PEMT: variants seen among roughly 807,000 people sequenced by gnomAD.
PEMT encodes phosphatidylethanolamine N-methyltransferase.
PEMT carries 23 observed loss-of-function variants against 27.4 expected under a neutral mutation model. The ratio of observed to expected loss-of-function variants is 0.84; its 90% CI spans 0.60 to 1.19. The LOEUF (loss-of-function observed/expected upper bound fraction) is 1.19, where lower values mean the gene tolerates loss of function less well. Among genes scored for constraint, PEMT ranks in the 50% most tolerant of loss-of-function variants. The pLI, the probability that PEMT is intolerant of heterozygous loss-of-function variation, is 0.00. For synonymous variants in PEMT, 137 were observed against 139.1 expected (o/e 0.98, Z 0.11); for missense variants, 307 against 310.1 (o/e 0.99, Z 0.07).
chr17:17,505,906 G>A (rs910615281), intron 6 of PEMT, 58 bp from the exon 7 acceptor site: 12 of 1,546,514 alleles, frequency 7.8e-6, no homozygotes, highest in African/African-American at 1.4e-5. Context: ...CCCACTGCCC[G>A]CACCAGAGCT....
At chr17:17,534,094 G>A (rs1202196227) in intron 2 of PEMT, among the ~76,000 whole-genome samples, 1 of 152,082 alleles carries the variant, frequency 6.6e-6, no homozygotes, top group Non-Finnish European at 1.5e-5. Flanking sequence ...TCCACTCCTA[G>A]TATTTACTTA....
At chr17:17,577,411 T>TA (rs1911673268) in intron 1 of PEMT, 3 of 959,506 alleles carry the variant, frequency 3.1e-6, no homozygotes, top group Middle Eastern at 4.9e-4. Flanking sequence ...ATGCTCAACC[T>TA]ACCAGGAATC....
rs944328203 is a variant in PEMT at position 17,523,986 on chromosome 17, G to A, written c.205-1591C>T. Among the ~76,000 whole-genome samples, 67 of 152,224 alleles carry A rather than the reference G, an allele frequency of 4.4e-4. No homozygotes were observed. Among genetic ancestry groups the A allele is most frequent in the African/African-American group, 1.5e-3 (62 of 41,520 alleles). ...CGTTGCTATGGATTCACCTATTCTG[G>A]ACGTTTCATATAAACTGAATCACAC... On this transcript the variant is annotated intron_variant, in intron 2 of 6. Coordinates refer to ENST00000255389, the MANE Select transcript of PEMT (RefSeq NM_148172.3). The surrounding 1 kb of genome is among the most constrained non-coding windows in gnomAD (Gnocchi z 4.8).
At chr17:17,544,832 T>C (rs528476024) in intron 2 of PEMT, among the ~76,000 whole-genome samples, 7 of 152,104 alleles carry the variant, frequency 4.6e-5, no homozygotes, top group Admixed American at 1.3e-4. Context: ...ATGTGTGAAA[T>C]TGGGGGCAGA....
chr17:17,507,576 G>A (rs1018944409), intron 5 of PEMT: 12 of 252,486 alleles, frequency 4.8e-5, no homozygotes, highest in Non-Finnish European at 6.9e-5. Flanking sequence ...TGTGGGCGCC[G>A]AGGGGGACAG....
chr17:17,522,858 G>A (rs747392123), intron 2 of PEMT, among the ~76,000 whole-genome samples: 1 of 152,018 alleles, frequency 6.6e-6, no homozygotes, highest in Non-Finnish European at 1.5e-5. Flanking sequence ...CCAAATTTCC[G>A]CTGGGGGCCT....
At chr17:17,528,701 G>A (rs1435962387) in intron 2 of PEMT, among the ~76,000 whole-genome samples, 1 of 152,198 alleles carries the variant, frequency 6.6e-6, no homozygotes, top group Non-Finnish European at 1.5e-5. Context: ...ACCTATGAGA[G>A]GTCAGGGACC....
At chr17:17,518,099 G>C (rs1430086656) in intron 3 of PEMT, 1 of 985,270 alleles carries the variant, frequency 1.0e-6, no homozygotes, top group East Asian at 1.1e-4. Flanking sequence ...CCCAGAGGGA[G>C]CCCTGGGAGA....
chr17:17,573,755 C>T (rs1217453206), intron 2 of PEMT, among the ~76,000 whole-genome samples: 1 of 152,148 alleles, frequency 6.6e-6, no homozygotes, highest in East Asian at 1.9e-4. Context: ...TATTTAAGTG[C>T]TTCCCTGGTT....
intron 2 of PEMT, among the ~76,000 whole-genome samples, chr17:17,574,070 T>C (rs12948060): frequency 0.63 from 95,464 of 151,686 alleles, 31,039 homozygotes; most frequent in African/African-American, 0.8. Context: ...CGTCATCCCA[T>C]TCCAGATGCC....
chr17:17,545,159 G>A (rs1233256831), intron 2 of PEMT, among the ~76,000 whole-genome samples: 2 of 152,220 alleles, frequency 1.3e-5, no homozygotes, highest in South Asian at 2.1e-4. Context: ...GAATCATGGC[G>A]TGTTGAGCGG....
chr17:17,546,867 G>T (rs976629192), intron 2 of PEMT, among the ~76,000 whole-genome samples: 1 of 152,272 alleles, frequency 6.6e-6, no homozygotes. Context: ...AGCAAAGTTG[G>T]TTCATTTGCT....
In PEMT at chr17:17,505,745, AGGCCAGGAGGCT is replaced by A. The variant is rs752427208; in HGVS notation, c.*34_*45del. The A allele has an allele frequency of 6.9e-5, 107 of 1,558,730 alleles. No individual in the cohort carries two copies. Among genetic ancestry groups the A allele is most frequent in the East Asian group, 2.3e-4 (10 of 43,316 alleles). Reference sequence around the variant, plus strand: ...CTGCGCAGGGCCTGCCACTTGGGGCAGGCCAGGAGGCTGGCCAGGCCTTCAGCAAAGCTGTTG... The same window carrying A: ...CTGCGCAGGGCCTGCCACTTGGGGCAGGCCAGGCCTTCAGCAAAGCTGTTG... On this transcript the variant is annotated 3_prime_UTR_variant, in exon 7 of 7. Transcript: ENST00000255389.
chr17:17,586,264 G>GA (rs1320675366), intron 1 of PEMT, among the ~76,000 whole-genome samples: 6 of 109,756 alleles, frequency 5.5e-5, no homozygotes, highest in Admixed American at 2.8e-4. Context: ...AAGAAAGAAA[G>GA]AAAGAAAGAA....
At position 17,513,132 on chromosome 17, in the gene PEMT, G is replaced by A. The variant is rs866397310; in HGVS notation, c.321-478C>T. Among the ~76,000 whole-genome samples the A allele has an allele frequency of 6.6e-6, 1 of 152,204 alleles. No homozygotes were observed. The highest frequency in any genetic ancestry group is 1.5e-5 in the Non-Finnish European group (1 of 68,036). On this transcript the variant is annotated intron_variant, in intron 3 of 6. Coordinates refer to ENST00000255389, the MANE Select transcript of PEMT (RefSeq NM_148172.3). This position sits in a 1 kb window ranked among gnomAD's most constrained non-coding sequence, Gnocchi z 4.1. Reference sequence around the variant, plus strand: ...CAACAGACTCAGTGCCCCGAGGCCTGGGGCATGCTCTGTGCTAGGGATTGC... The same window carrying A: ...CAACAGACTCAGTGCCCCGAGGCCTAGGGCATGCTCTGTGCTAGGGATTGC...
intron 2 of PEMT, among the ~76,000 whole-genome samples, chr17:17,545,360 C>T (rs975310499): frequency 4.6e-5 from 7 of 152,232 alleles, no homozygotes; most frequent in East Asian, 1.9e-4. Flanking sequence ...GTCTCCAGCA[C>T]GTTGCATGCT....
intron 1 of PEMT, among the ~76,000 whole-genome samples, chr17:17,586,366 C>G (rs1912317377): frequency 6.6e-6 from 1 of 151,802 alleles, no homozygotes; most frequent in African/African-American, 2.4e-5. Flanking sequence ...GACCTGACCA[C>G]AGCACATGGC....
At chr17:17,585,076 G>A (rs1912173382) in intron 1 of PEMT, among the ~76,000 whole-genome samples, 1 of 152,200 alleles carries the variant, frequency 6.6e-6, no homozygotes, top group Non-Finnish European at 1.5e-5. Context: ...GGTGGCTCAC[G>A]CCTGTAATCC....
At chr17:17,509,624 G>C in intron 4 of PEMT, 79 bp from the exon 5 acceptor site, 1 of 1,012,078 alleles carries the variant, frequency 9.9e-7, no homozygotes, top group Non-Finnish European at 1.6e-6. Context: ...CCCCAGAGCG[G>C]GCTGTGGCGA....
Sources: gnomAD v4.1 joint callset for allele counts (sites outside exome capture counted in the v4.1 genomes callset) on GRCh38, gnomAD v4.1.1 for gene constraint, Gnocchi (gnomAD v3.1) non-coding constraint, MANE v1.5 for transcripts, NCBI Gene and HGNC (gene_info 2026-07-23, HGNC 2026-07-21) for gene names.